MEI1: variants seen among roughly 807,000 people sequenced by gnomAD.
MEI1 encodes meiotic double-stranded break formation protein 1.
Under a neutral mutation model 146.2 loss-of-function variants are expected in MEI1, and 103 were observed. The observed-to-expected ratio is 0.70, with a 90% confidence interval of 0.60 to 0.83. The LOEUF (loss-of-function observed/expected upper bound fraction) is 0.83. Among genes scored for constraint, MEI1 ranks in the 40% least tolerant of loss-of-function variants. The pLI is 0.00. For synonymous variants in MEI1, 652 were observed against 628.2 expected, an observed-to-expected ratio of 1.04 and a Z score of -0.57; for missense variants, 1,529 against 1,533.0, an observed-to-expected ratio of 1.00 and a Z score of 0.04.
intron 1 of MEI1, among the ~76,000 whole-genome samples, chr22:41,700,749 ATTTTTTTTTTTTTT>A (rs78862314): frequency 8.5e-6 from 1 of 117,668 alleles, no homozygotes; most frequent in Non-Finnish European, 1.7e-5. Flanking sequence ...GCAGTTCTCA[ATTTTTTTTTTTTTT>A]TTTTTTTTTT....
chr22:41,793,975 C>T, intron 27 of MEI1, 65 bp downstream of exon 27: 1 of 1,397,130 alleles, frequency 7.2e-7, no homozygotes, highest in Non-Finnish European at 1.0e-6. Flanking sequence ...CACCCTTCCA[C>T]CCTCCTGCTC....
At chr22:41,772,247 T>C (rs1238153153) in intron 20 of MEI1, among the ~76,000 whole-genome samples, 1 of 152,112 alleles carries the variant, frequency 6.6e-6, no homozygotes. Flanking sequence ...TTTTTTCTTT[T>C]TTCTTGCTCT....
chr22:41,752,204 A>G (rs968404272), intron 15 of MEI1, among the ~76,000 whole-genome samples: 1 of 152,246 alleles, frequency 6.6e-6, no homozygotes, highest in Non-Finnish European at 1.5e-5. Flanking sequence ...ATTGTTTTCT[A>G]TAAAACTGAA....
chr22:41,784,318 C>T, intron 24 of MEI1, 21 bp from the exon 25 acceptor site: 1 of 1,611,254 alleles, frequency 6.2e-7, no homozygotes, highest in South Asian at 1.1e-5. Flanking sequence ...GGGGTTAGCC[C>T]TTTACCCTGT....
Position 41,776,205 on chromosome 22 carries a change from G to T in MEI1, c.2648G>T (p.Arg883Leu). Residue 883 changes from arginine to leucine, a missense_variant, in exon 21 of 31, where the codon CGA becomes CTA. Arg to Leu is a moderately radical substitution (Grantham distance 102, BLOSUM62 -2). Coordinates refer to ENST00000401548, the MANE Select transcript of MEI1 (RefSeq NM_152513.4). The stretch of plus-strand genomic sequence containing the variant: ...GATATCCAAGTGGGCGGTCTTATCC[G>T]AGGCCACTTCCTGCTGATCCTGCAG... ...NEDIQVGGLIRGHFLLILQRL... is the reference protein window; with the variant it reads ...NEDIQVGGLILGHFLLILQRL... 1 of 1,613,958 alleles carries T rather than the reference G, an allele frequency of 6.2e-7. No individual in the cohort carries two copies. The highest frequency in any genetic ancestry group is 1.1e-5 in the South Asian group (1 of 91,082).
At chr22:41,784,295 C>G (rs747548383) in intron 24 of MEI1, 44 bp from the exon 25 acceptor site, 1 of 1,563,060 alleles carries the variant, frequency 6.4e-7, no homozygotes, top group Non-Finnish European at 8.8e-7. Flanking sequence ...TCTGCCCAGG[C>G]TTCCAGAACA....
At chr22:41,704,993 C>T (rs956001308) in intron 2 of MEI1, among the ~76,000 whole-genome samples, 23 of 152,144 alleles carry the variant, frequency 1.5e-4, no homozygotes, top group African/African-American at 4.6e-4. Context: ...GAATTACAGG[C>T]GTGAGCCACC....
intron 19 of MEI1, among the ~76,000 whole-genome samples, chr22:41,764,812 C>G (rs758985887): frequency 6.6e-6 from 1 of 152,166 alleles, no homozygotes; most frequent in Non-Finnish European, 1.5e-5. Flanking sequence ...CCTTAGAGCT[C>G]TTTGCTCCTG....
chr22:41,767,601 T>C (rs1251795335), intron 19 of MEI1: 4 of 455,878 alleles, frequency 8.8e-6, no homozygotes, highest in Non-Finnish European at 1.8e-5. Context: ...TTGATCAGCA[T>C]TTCCTAAGCT....
chr22:41,748,111 A>C lies in MEI1; in HGVS notation c.1685A>C (p.His562Pro). ...DSLCIPMVMRHLEQTTHPALM... is the reference protein window; with the variant it reads ...DSLCIPMVMRPLEQTTHPALM... ...CTCTCTCCTGGTTCTTTGCAGAGAC[A>C]CTTGGAGCAGACCACCCACCCAGCT... The change falls in exon 15 of 31, where the codon CAC (histidine) becomes CCC (proline). Residue 562 changes from histidine to proline, a missense_variant. This residue lies in a region of MEI1 where 1,212 missense variants were observed against 1,178.9 expected (regional missense o/e 1.03). Transcript: ENST00000401548. 1 of 1,612,602 alleles carries C rather than the reference A, an allele frequency of 6.2e-7. No individual in the cohort carries two copies.
chr22:41,743,558 G>A (rs1285721055), intron 12 of MEI1, among the ~76,000 whole-genome samples: 1 of 152,176 alleles, frequency 6.6e-6, no homozygotes, highest in Non-Finnish European at 1.5e-5. Context: ...AATTATTTAA[G>A]TCTGAATTCA....
chr22:41,715,978 A>G, intron 4 of MEI1, 63 bp from the exon 5 acceptor site: 1 of 1,202,200 alleles, frequency 8.3e-7, no homozygotes, highest in Admixed American at 2.1e-5. Flanking sequence ...GGGAAAGATC[A>G]GTTTTGGTGG....
chr22:41,749,802 G>T (rs1175993199), intron 15 of MEI1, among the ~76,000 whole-genome samples: 1 of 152,010 alleles, frequency 6.6e-6, no homozygotes, highest in Non-Finnish European at 1.5e-5. Context: ...GAAAGAGAGG[G>T]AACAGTTCAA....
intron 6 of MEI1, among the ~76,000 whole-genome samples, chr22:41,720,477 C>A (rs973199868): frequency 6.6e-6 from 1 of 152,108 alleles, no homozygotes; most frequent in Non-Finnish European, 1.5e-5. Context: ...GTCACCCAGG[C>A]TGGAGTGCAG....
At chr22:41,750,313 A>C (rs1263505074) in intron 15 of MEI1, among the ~76,000 whole-genome samples, 1 of 152,246 alleles carries the variant, frequency 6.6e-6, no homozygotes, top group East Asian at 1.9e-4. Flanking sequence ...TAAGGAAGCC[A>C]AATGAAGAGA....
chr22:41,733,845 G>A (rs2072079814), intron 11 of MEI1, among the ~76,000 whole-genome samples: 1 of 152,012 alleles, frequency 6.6e-6, no homozygotes. Context: ...TATACTGGAG[G>A]ACCACGTGCG....
chr22:41,733,448 CAAAAGAA>C (rs1333972413), intron 11 of MEI1, among the ~76,000 whole-genome samples: 5 of 150,774 alleles, frequency 3.3e-5, no homozygotes, highest in Admixed American at 3.3e-4. Flanking sequence ...GACCTTGTCT[CAAAAGAA>C]AAAAGAAAAA....
intron 21 of MEI1, 68 bp from the exon 22 acceptor site, chr22:41,778,640 G>A: frequency 2.4e-6 from 3 of 1,227,370 alleles, no homozygotes; most frequent in African/African-American, 3.0e-5. Flanking sequence ...TTGAAGCAGG[G>A]CAGGGTGTCT....
At chr22:41,790,686 T>A (rs2076148685) in intron 26 of MEI1, among the ~76,000 whole-genome samples, 2 of 152,024 alleles carry the variant, frequency 1.3e-5, no homozygotes, top group Non-Finnish European at 2.9e-5. Context: ...CTCTGCCTCC[T>A]GGGTTCAAGT....
Sources: allele counts gnomAD v4.1 joint callset (sites outside exome capture counted in the v4.1 genomes callset), GRCh38; gene constraint gnomAD v4.1.1; regional missense constraint gnomAD v4.1.1; transcripts MANE v1.5; gene names NCBI Gene and HGNC (gene_info 2026-07-23, HGNC 2026-07-21).